The following DSCAM variants were observed in gnomAD, a reference collection of about 807,000 sequenced individuals.
The protein encoded by DSCAM is DS cell adhesion molecule.
DSCAM carries 47 observed loss-of-function variants against 217.7 expected under a neutral mutation model. The ratio of observed to expected loss-of-function variants is 0.22; its 90% CI spans 0.17 to 0.28. The LOEUF (loss-of-function observed/expected upper bound fraction) is 0.28, where lower values mean the gene tolerates loss of function less well. DSCAM is among the 10% of genes least tolerant of loss of function. DSCAM has a pLI of 1.00. For synonymous variants in DSCAM, 1,056 were observed against 1,015.3 expected, an observed-to-expected ratio of 1.04 and a Z score of -0.76; for missense variants, 2,080 against 2,618.3, an observed-to-expected ratio of 0.79 and a Z score of 4.49.
chr21:40,550,916 T>G (rs1376689725), intron 3 of DSCAM, among the ~76,000 whole-genome samples: 1 of 152,208 alleles, frequency 6.6e-6, no homozygotes, highest in Non-Finnish European at 1.5e-5. Flanking sequence ...TGCAAGTGAT[T>G]GGCTGAAACT....
At chr21:40,788,527 C>T (rs1418668168) in intron 1 of DSCAM, among the ~76,000 whole-genome samples, 4 of 152,176 alleles carry the variant, frequency 2.6e-5, no homozygotes, top group Non-Finnish European at 5.9e-5. Flanking sequence ...ATATAGGTCC[C>T]TTTCTTCCAT....
At chr21:40,019,063 C>T (rs963890575) in intron 32 of DSCAM, among the ~76,000 whole-genome samples, 9 of 152,336 alleles carry the variant, frequency 5.9e-5, no homozygotes, top group Non-Finnish European at 1.0e-4. Flanking sequence ...GAGTAGTCAG[C>T]GGTAAGCTCT....
At chr21:40,321,719 A>G (rs1452957428) in intron 8 of DSCAM, among the ~76,000 whole-genome samples, 3 of 151,882 alleles carry the variant, frequency 2.0e-5, no homozygotes, top group African/African-American at 7.3e-5. Flanking sequence ...CTCTGCTCCA[A>G]CACCTTTAGG....
intron 30 of DSCAM, among the ~76,000 whole-genome samples, chr21:40,049,604 A>T (rs2088895946): frequency 6.6e-6 from 1 of 152,196 alleles, no homozygotes; most frequent in Non-Finnish European, 1.5e-5. Flanking sequence ...CATCTTACTC[A>T]TGGTGTATCT....
intron 1 of DSCAM, among the ~76,000 whole-genome samples, chr21:40,758,048 G>A (rs2091293410): frequency 6.6e-6 from 1 of 152,130 alleles, no homozygotes; most frequent in African/African-American, 2.4e-5. Context: ...AGGAAAATCT[G>A]GACAAAGACC....
chr21:40,126,334 AAAAG>A (rs1269558632), intron 19 of DSCAM, among the ~76,000 whole-genome samples: 3 of 152,264 alleles, frequency 2.0e-5, no homozygotes, highest in East Asian at 1.9e-4. Flanking sequence ...GATAAAAAAG[AAAAG>A]AAAGAAGAAA....
At chr21:40,133,825 C>T (rs776559453) in intron 19 of DSCAM, 29 bp downstream of exon 19, 4 of 1,574,064 alleles carry the variant, frequency 2.5e-6, no homozygotes, top group Admixed American at 3.5e-5. Context: ...CCAGCAACTG[C>T]TGGGACCCAC....
At chr21:40,225,518 A>C (rs1437771391) in intron 11 of DSCAM, among the ~76,000 whole-genome samples, 1 of 152,144 alleles carries the variant, frequency 6.6e-6, no homozygotes, top group Non-Finnish European at 1.5e-5. Flanking sequence ...CCAGATATGA[A>C]AGAAGCCATG....
At chr21:40,078,454 C>T (rs183882974) in intron 26 of DSCAM, among the ~76,000 whole-genome samples, 1 of 152,300 alleles carries the variant, frequency 6.6e-6, no homozygotes, top group East Asian at 1.9e-4. Context: ...CATGACTCCC[C>T]AGTGAGACTC....
chr21:40,107,945 T>C (rs983796270), intron 20 of DSCAM, among the ~76,000 whole-genome samples: 3 of 152,198 alleles, frequency 2.0e-5, no homozygotes, highest in Non-Finnish European at 4.4e-5. Context: ...GAAAAGGCTT[T>C]TGGTAAAATC....
intron 1 of DSCAM, among the ~76,000 whole-genome samples, chr21:40,718,527 ACTT>A (rs2090867832): frequency 6.6e-6 from 1 of 152,088 alleles, no homozygotes; most frequent in African/African-American, 2.4e-5. Context: ...GTGCAGGAAA[ACTT>A]CTAACAACCG....
chr21:40,425,683 A>C lies in DSCAM; in HGVS notation c.509-56438T>G, dbSNP rs958525538. Among the ~76,000 whole-genome samples, 148 of 151,752 alleles carry C rather than the reference A, an allele frequency of 9.8e-4. 2 individuals are homozygous for C. The highest frequency in any genetic ancestry group is 9.6e-3 in the Admixed American group (147 of 15,240). On this transcript the variant is annotated intron_variant, in intron 3 of 32. Coordinates refer to ENST00000400454, the MANE Select transcript of DSCAM (RefSeq NM_001389.5). ...AACTCGGTGTCCAAAAAAAAAAAAAAAAAAAAACTCTTCCTTGTTCATTTC... is the reference window on the plus strand; with the variant it reads ...AACTCGGTGTCCAAAAAAAAAAAAACAAAAAAACTCTTCCTTGTTCATTTC...
chr21:40,407,067 T>C (rs923953662), intron 3 of DSCAM, among the ~76,000 whole-genome samples: 3 of 152,136 alleles, frequency 2.0e-5, no homozygotes, highest in African/African-American at 7.2e-5. Flanking sequence ...AGAAATATAT[T>C]GTACAACATA....
At chr21:40,731,934 C>T (rs1466278134) in intron 1 of DSCAM, among the ~76,000 whole-genome samples, 1 of 152,072 alleles carries the variant, frequency 6.6e-6, no homozygotes, top group Non-Finnish European at 1.5e-5. Flanking sequence ...ATCACGTTGG[C>T]CCGGCTGGTC....
At chr21:40,343,884 T>A (rs1001273655) in intron 6 of DSCAM, among the ~76,000 whole-genome samples, 4 of 150,342 alleles carry the variant, frequency 2.7e-5, no homozygotes, top group African/African-American at 9.8e-5. Flanking sequence ...TTTTATTATT[T>A]TATTTCATTT....
intron 3 of DSCAM, among the ~76,000 whole-genome samples, chr21:40,631,767 T>C (rs898883905): frequency 2.6e-5 from 4 of 152,210 alleles, no homozygotes; most frequent in Non-Finnish European, 4.4e-5. Flanking sequence ...TAGGAAGTTA[T>C]ACAGCAACAC....
intron 3 of DSCAM, among the ~76,000 whole-genome samples, chr21:40,591,885 T>C (rs2076986948): frequency 6.6e-6 from 1 of 152,204 alleles, no homozygotes; most frequent in Non-Finnish European, 1.5e-5. Flanking sequence ...AATGAAGGAA[T>C]TATGTGTCAT....
intron 6 of DSCAM, among the ~76,000 whole-genome samples, chr21:40,341,465 TAC>T (rs2074490577): frequency 6.6e-6 from 1 of 152,228 alleles, no homozygotes; most frequent in African/African-American, 2.4e-5. Context: ...AAATTTTACA[TAC>T]AGTGAAATAT....
intron 9 of DSCAM, among the ~76,000 whole-genome samples, chr21:40,310,263 T>C (rs1193895089): frequency 6.6e-6 from 1 of 152,204 alleles, no homozygotes; most frequent in Non-Finnish European, 1.5e-5. Context: ...AAGATTATGA[T>C]TTAATTGGTG....
Sources: gnomAD v4.1 joint callset for allele counts (sites outside exome capture counted in the v4.1 genomes callset) on GRCh38, gnomAD v4.1.1 for gene constraint, MANE v1.5 for transcripts, NCBI Gene and HGNC (gene_info 2026-07-23, HGNC 2026-07-21) for gene names.